The following BTBD9 variants were observed in gnomAD, a reference collection of about 807,000 sequenced individuals.
The protein encoded by BTBD9 is BTB/POZ domain-containing protein 9.
A neutral mutation model predicts 64.3 loss-of-function variants in BTBD9; 49 were observed. The observed-to-expected ratio is 0.76, with a 90% CI of 0.61 to 0.97. BTBD9 has a LOEUF of 0.97. Ranked by LOEUF, BTBD9 falls within the 50% of genes least tolerant of loss-of-function variation. The pLI, the probability that BTBD9 is intolerant of heterozygous loss-of-function variation, is 0.00. For missense variants in BTBD9, 598 were observed against 762.1 expected (o/e 0.78, Z 2.53); for synonymous variants, 260 against 274.7 (o/e 0.95, Z 0.53).
rs549017943 is a variant in BTBD9, at chr6:38,244,893, C to T, written c.1562+11516G>A. ...ACACATGTGTAGTTTACAAGGACTA[C>T]ATCACCATGGGCAAATCTTATTCTC... On this transcript the variant is annotated intron_variant, in intron 9 of 10. Coordinates refer to ENST00000481247, the MANE Select transcript of BTBD9 (RefSeq NM_001099272.2). 1.2e-4 allele frequency among the ~76,000 whole-genome samples: 18 copies of T among 152,336 alleles called. No homozygotes were observed. The South Asian group carries it at 3.5e-3, about 30-fold the overall frequency.
intron 6 of BTBD9, among the ~76,000 whole-genome samples, chr6:38,529,883 C>G (rs532273892): frequency 6.6e-6 from 1 of 152,082 alleles, no homozygotes; most frequent in African/African-American, 2.4e-5. Flanking sequence ...TTTTAGGGAA[C>G]AAGGGAAGAC....
At chr6:38,287,278 G>A (rs1380480383) in intron 8 of BTBD9, among the ~76,000 whole-genome samples, 5 of 150,506 alleles carry the variant, frequency 3.3e-5, no homozygotes, top group Non-Finnish European at 1.5e-5. Context: ...CATGGTAAGT[G>A]CCCTACACAG....
At chr6:38,416,990 GCAGTGGTGCAATCACAGCT>G (rs1767698556) in intron 6 of BTBD9, among the ~76,000 whole-genome samples, 1 of 152,172 alleles carries the variant, frequency 6.6e-6, no homozygotes, top group Non-Finnish European at 1.5e-5. Flanking sequence ...AGGCTGGAGT[GCAGTGGTGCAATCACAGCT>G]CACCGTAACC....
intron 9 of BTBD9, among the ~76,000 whole-genome samples, chr6:38,243,852 C>A (rs1265831679): frequency 6.6e-6 from 1 of 152,098 alleles, no homozygotes; most frequent in Admixed American, 6.5e-5. Flanking sequence ...GCATGCTGGA[C>A]CCCTGAATTC....
chr6:38,228,136 C>T (rs936714232), intron 9 of BTBD9, among the ~76,000 whole-genome samples: 1 of 150,912 alleles, frequency 6.6e-6, no homozygotes, highest in African/African-American at 2.4e-5. Flanking sequence ...CAGAGGTGGG[C>T]GGACTGCTTG....
At chr6:38,639,298 G>C (rs556473250) in intron 1 of BTBD9, among the ~76,000 whole-genome samples, 6 of 152,276 alleles carry the variant, frequency 3.9e-5, no homozygotes, top group African/African-American at 1.4e-4. Context: ...TCCCAAGGTC[G>C]TGGGTGTGTC....
At chr6:38,515,703 T>C (rs1026352813) in intron 6 of BTBD9, among the ~76,000 whole-genome samples, 2 of 152,186 alleles carry the variant, frequency 1.3e-5, no homozygotes, top group Admixed American at 6.5e-5. Context: ...AACAGAGATA[T>C]TATGTCTATT....
At chr6:38,289,107 T>TCA (rs1761862824) in intron 7 of BTBD9, among the ~76,000 whole-genome samples, 1 of 152,016 alleles carries the variant, frequency 6.6e-6, no homozygotes. Context: ...GCACGGTGGC[T>TCA]CACACCTGTA....
intron 1 of BTBD9, among the ~76,000 whole-genome samples, chr6:38,637,423 G>C (rs1343959545): frequency 6.6e-6 from 1 of 152,188 alleles, no homozygotes; most frequent in African/African-American, 2.4e-5. Context: ...CATAACAGAA[G>C]ATGTTATAAA....
chr6:38,491,493 C>A (rs555848173), intron 6 of BTBD9, among the ~76,000 whole-genome samples: 67 of 152,250 alleles, frequency 4.4e-4, no homozygotes, highest in African/African-American at 1.6e-3. Flanking sequence ...AGTAATAACA[C>A]CTGTTTTCTT....
chr6:38,279,801 A>G (rs1172375158), intron 8 of BTBD9, among the ~76,000 whole-genome samples: 1 of 152,204 alleles, frequency 6.6e-6, no homozygotes, highest in Non-Finnish European at 1.5e-5. Context: ...TACTAAACAC[A>G]CACGTGTGCA....
intron 7 of BTBD9, among the ~76,000 whole-genome samples, chr6:38,323,232 C>A (rs1460823405): frequency 3.9e-5 from 6 of 152,170 alleles, no homozygotes; most frequent in Non-Finnish European, 7.3e-5. Context: ...CCATCACCTG[C>A]CAAATTTACA....
At chr6:38,363,285 G>C (rs761560870) in intron 6 of BTBD9, among the ~76,000 whole-genome samples, 1 of 152,120 alleles carries the variant, frequency 6.6e-6, no homozygotes, top group African/African-American at 2.4e-5. Context: ...TCTCTAGGCT[G>C]GGAGTAATGG....
intron 9 of BTBD9, among the ~76,000 whole-genome samples, chr6:38,214,527 C>G (rs556964920): frequency 6.6e-6 from 1 of 152,170 alleles, no homozygotes; most frequent in Non-Finnish European, 1.5e-5. Context: ...CTGAGAGAGG[C>G]TAAAGGTGTG....
intron 9 of BTBD9, among the ~76,000 whole-genome samples, chr6:38,229,535 G>A (rs752035173): frequency 2.3e-4 from 35 of 152,080 alleles, no homozygotes; most frequent in Non-Finnish European, 4.6e-4. Context: ...GTGCCCAGGC[G>A]TGTCTTGACC....
Position 38,304,751 on chromosome 6 carries a change from A to G in BTBD9, c.1265-16290T>C, listed in dbSNP as rs117631492. On this transcript the variant is annotated intron_variant, in intron 7 of 10. Coordinates refer to ENST00000481247, the MANE Select transcript of BTBD9 (RefSeq NM_001099272.2). Reference sequence around the variant, plus strand: ...TGGACTTCTCTTAATTCTGATTCCTACTTTTTGCTAATAAGTCAAATTAAC... The same window carrying G: ...TGGACTTCTCTTAATTCTGATTCCTGCTTTTTGCTAATAAGTCAAATTAAC... Among the ~76,000 whole-genome samples the G allele has an allele frequency of 8.5e-4, 130 of 152,208 alleles. 2 individuals carry two copies. In the East Asian group the frequency reaches 0.011, roughly 13 times the overall value.
intron 6 of BTBD9, among the ~76,000 whole-genome samples, chr6:38,531,175 T>C (rs1396962896): frequency 6.6e-6 from 1 of 152,102 alleles, no homozygotes; most frequent in Non-Finnish European, 1.5e-5. Context: ...CATTTAATAA[T>C]CAAACTTCCG....
intron 9 of BTBD9, chr6:38,207,217 G>A (rs1037030945): frequency 1.5e-5 from 3 of 196,080 alleles, no homozygotes; most frequent in Non-Finnish European, 3.3e-5. Context: ...GATGGGGAGA[G>A]GGAGGAAATG....
chr6:38,429,456 A>C (rs1270700856), intron 6 of BTBD9, among the ~76,000 whole-genome samples: 3 of 76,724 alleles, frequency 3.9e-5, no homozygotes. Context: ...ACTACGTCTC[A>C]AAAAAAAAAA....
Sources: gnomAD v4.1 joint callset for allele counts (sites outside exome capture counted in the v4.1 genomes callset) on GRCh38, gnomAD v4.1.1 for gene constraint, MANE v1.5 for transcripts, NCBI Gene and HGNC (gene_info 2026-07-23, HGNC 2026-07-21) for gene names.